The following SVEP1 variants were observed in gnomAD, a reference collection of about 807,000 sequenced individuals.
SVEP1 encodes the protein sushi, von Willebrand factor type A, EGF and pentraxin domain containing 1, also known as sushi, von Willebrand factor type A, EGF and pentraxin domain-containing protein 1.
In SVEP1, 164 loss-of-function variants were observed where a neutral mutation model predicts 367.3. The observed-to-expected ratio is 0.45, with a 90% CI of 0.39 to 0.51. The LOEUF is 0.51. Among genes scored for constraint, SVEP1 ranks in the 20% least tolerant of loss-of-function variants. SVEP1 has a pLI of 0.00. For missense variants in SVEP1, 4,117 were observed against 4,425.3 expected, an observed-to-expected ratio of 0.93 and a Z score of 1.98; for synonymous variants, 1,666 against 1,611.6, an observed-to-expected ratio of 1.03 and a Z score of -0.81.
intron 38 of SVEP1, among the ~76,000 whole-genome samples, chr9:110,404,953 G>C (rs1455070188): frequency 6.6e-6 from 1 of 152,166 alleles, no homozygotes; most frequent in Non-Finnish European, 1.5e-5. Context: ...TTGAACTAAG[G>C]AGGTTGAGGC....
chr9:110,366,636 G>A, intron 47 of SVEP1, 76 bp from the exon 48 acceptor site: 1 of 1,425,632 alleles, frequency 7.0e-7, no homozygotes, highest in Non-Finnish European at 9.4e-7. Flanking sequence ...CTCTTTAGGA[G>A]TTGATGAAAA....
intron 36 of SVEP1, 99 bp from the exon 37 acceptor site, chr9:110,411,834 T>A: frequency 9.0e-7 from 1 of 1,106,754 alleles, no homozygotes. Flanking sequence ...ACAATGACTT[T>A]AAATTTATCT....
At chr9:110,422,628 C>G (rs1053697701) in intron 36 of SVEP1, among the ~76,000 whole-genome samples, 4 of 100,886 alleles carry the variant, frequency 4.0e-5, no homozygotes, top group Admixed American at 3.9e-4. Context: ...GGGTATATAC[C>G]CAAAGGACTA....
At chr9:110,492,125 A>C (rs948274371) in intron 8 of SVEP1, among the ~76,000 whole-genome samples, 2 of 152,182 alleles carry the variant, frequency 1.3e-5, no homozygotes, top group Non-Finnish European at 2.9e-5. Context: ...ACCTGTATAT[A>C]CTTTTTCTGA....
At position 110,575,537 on chromosome 9, in the gene SVEP1, C is replaced by T. The variant is rs1830617402; in HGVS notation, c.531+3476G>A. The stretch of plus-strand genomic sequence containing the variant: ...CTGCAAAACTATACCCTGCCTGGCG[C>T]GACTGCTTCAACACACAGAGAGCAT... On this transcript the variant is annotated intron_variant, in intron 1 of 47. Transcript: ENST00000374469. Among the ~76,000 whole-genome samples, 3 of 152,124 alleles carry T rather than the reference C, an allele frequency of 2.0e-5. No individual in the cohort carries two copies. The South Asian group carries it at 6.2e-4, about 32-fold the overall frequency.
intron 40 of SVEP1, among the ~76,000 whole-genome samples, chr9:110,394,483 C>A (rs948666567): frequency 6.6e-6 from 1 of 152,128 alleles, no homozygotes; most frequent in African/African-American, 2.4e-5. Flanking sequence ...TCACCAGCAA[C>A]AGAACAAAGC....
rs985555974 is a variant in SVEP1 at position 110,407,145 on chromosome 9, T to C, written c.8455A>G (p.Lys2819Glu). Residue 2819 changes from lysine (K) to glutamate (E), a missense_variant, in exon 38 of 48, where the codon AAA becomes GAA. Transcript: ENST00000374469. Reference sequence around the variant, plus strand: ...ATGGGCTCATCCTCATCCCAGTTTTTGTCATCCTGGCATGTTCTCCTCTCA... The same window carrying C: ...ATGGGCTCATCCTCATCCCAGTTTTCGTCATCCTGGCATGTTCTCCTCTCA... ...GTERRTCQDD[K>E]NWDEDEPICI... 3.7e-6 allele frequency: 6 copies of C among 1,614,054 alleles called. No homozygotes were observed. The highest frequency in any genetic ancestry group is 2.2e-5 in the East Asian group (1 of 44,884).
chr9:110,472,321 G>T lies in SVEP1; in HGVS notation c.2602C>A (p.Pro868Thr). The T allele has an allele frequency of 6.3e-7, 1 of 1,578,042 alleles. No homozygotes were observed. Residue 868 changes from proline (P) to threonine (T), a missense_variant and splice_region_variant, in exon 15 of 48, where the codon CCA (proline) becomes ACA (threonine). This residue lies in a region of SVEP1 where 2,174 missense variants were observed against 2,494.3 expected (regional missense o/e 0.87). Transcript: ENST00000374469. ...CTATTAGCTGCACCCCAGCCACCTG[G>T]TCCTGGATAGTCGGGGCAGAGACAC... Reference protein sequence around the residue: ...YDYENGFAIGPGGWGAANRLD... With the variant: ...YDYENGFAIGTGGWGAANRLD...
intron 24 of SVEP1, among the ~76,000 whole-genome samples, 181 bp downstream of exon 24, chr9:110,449,878 G>A (rs1828664992): frequency 6.6e-6 from 1 of 152,090 alleles, no homozygotes; most frequent in South Asian, 2.1e-4. Flanking sequence ...AAAATGATAG[G>A]CTCTACTTCA....
rs755436983 is a variant in SVEP1 at position 110,379,345 on chromosome 9, A to T, written c.10408+2T>A. ...GAAATAACCATTCAAATATTTCCTT[A>T]CCTCTGCAAATAGGAGGTGATGTCC... On this transcript the variant is annotated splice_donor_variant, in intron 44 of 47. Transcript: ENST00000374469. LOFTEE classifies it high-confidence loss of function. The T allele has an allele frequency of 3.1e-6, 5 of 1,613,060 alleles. No individual in the cohort carries two copies. Among genetic ancestry groups the T allele is most frequent in the Non-Finnish European group, 4.2e-6 (5 of 1,179,506 alleles).
Position 110,404,426 on chromosome 9 carries a change from A to G in SVEP1, c.9567T>C (p.His3189=), listed in dbSNP as rs1826285693. 6.2e-7 allele frequency: 1 copy of G among 1,614,002 alleles called. No individual in the cohort carries two copies. Among genetic ancestry groups the G allele is most frequent in the African/African-American group, 1.3e-5 (1 of 75,046 alleles). ...TGAAATCGTCCCCATGTACAAGTATATGTGTTATGTTTTCCGGGAGAGGAC... is the reference window on the plus strand; with the variant it reads ...TGAAATCGTCCCCATGTACAAGTATGTGTGTTATGTTTTCCGGGAGAGGAC... ...KKCPLPENIT[H]ILVHGDDFSV... The change falls in exon 39 of 48, where the codon CAT becomes CAC. Residue 3189 remains histidine (H), a synonymous_variant. Coordinates refer to ENST00000374469, the MANE Select transcript of SVEP1 (RefSeq NM_153366.4).
Position 110,407,231 on chromosome 9 carries a change from T to A in SVEP1, c.8369A>T (p.Asn2790Ile). ...GTACAACGTGCTCAGGTATGTGTAG[T>A]TGCTTCCTTTGATGGATCCATTCAT... ...PVMNGSIKGS[N>I]YTYLSTLYYE... The change falls in exon 38 of 48, where the codon AAC becomes ATC. Residue 2790 changes from asparagine to isoleucine, a missense_variant. By Grantham distance (149) the Asn-to-Ile change is moderately radical. This residue lies in a region of SVEP1 where 1,765 missense variants were observed against 1,781.1 expected (regional missense o/e 0.99). Coordinates refer to ENST00000374469, the MANE Select transcript of SVEP1 (RefSeq NM_153366.4). The A allele has an allele frequency of 6.2e-7, 1 of 1,614,000 alleles. No homozygotes were observed. Among genetic ancestry groups the A allele is most frequent in the Non-Finnish European group, 8.5e-7 (1 of 1,179,896 alleles).
intron 1 of SVEP1, among the ~76,000 whole-genome samples, chr9:110,569,968 A>G (rs1830535177): frequency 6.6e-6 from 1 of 152,224 alleles, no homozygotes. Flanking sequence ...GGATAGGGGA[A>G]AATGCATCTA....
chr9:110,537,227 T>TA (rs1310060351), intron 3 of SVEP1, among the ~76,000 whole-genome samples: 2 of 151,936 alleles, frequency 1.3e-5, no homozygotes, highest in South Asian at 2.1e-4. Flanking sequence ...GAAGAAGGTT[T>TA]TCAGCACTAA....
At chr9:110,514,168 A>G in intron 3 of SVEP1, 62 bp from the exon 4 acceptor site, 1 of 1,559,226 alleles carries the variant, frequency 6.4e-7, no homozygotes, top group Non-Finnish European at 8.7e-7. Flanking sequence ...AGTTAACAAA[A>G]CATTTGAAAT....
At chr9:110,394,483 C>T (rs948666567) in intron 40 of SVEP1, among the ~76,000 whole-genome samples, 7 of 152,128 alleles carry the variant, frequency 4.6e-5, no homozygotes, top group South Asian at 2.1e-4. Context: ...TCACCAGCAA[C>T]AGAACAAAGC....
intron 40 of SVEP1, among the ~76,000 whole-genome samples, chr9:110,392,132 A>AC (rs1564128199): frequency 2.0e-5 from 2 of 98,208 alleles, no homozygotes; most frequent in African/African-American, 4.8e-5. Context: ...CCAATTCCTC[A>AC]TTATATATAT....
At position 110,457,435 on chromosome 9, in the gene SVEP1, C is replaced by T; in HGVS notation, c.3577-83G>A. On this transcript the variant is annotated intron_variant, in intron 20 of 47. Transcript: ENST00000374469. ...GTCCTGATTAGAGTCAGGTTTGCAA[C>T]ATTAGACAGCTCGTTCCTCCTGTTT... 10 of 1,059,024 alleles carry T rather than the reference C, an allele frequency of 9.4e-6. No homozygotes were observed. The South Asian group carries it at 1.1e-4, about 12-fold the overall frequency. 65.6% of individuals were successfully genotyped at this position (1,059,024 alleles called of 1,614,324 possible). A position where few individuals can be genotyped will look rare whatever the true frequency, so the allele number is the denominator to read the frequency against.
At chr9:110,466,416 C>T (rs2118655433) in intron 17 of SVEP1, among the ~76,000 whole-genome samples, 1 of 152,150 alleles carries the variant, frequency 6.6e-6, no homozygotes, top group South Asian at 2.1e-4. Context: ...GAAACAAAAC[C>T]CCAAACCTAG....
Sources: gnomAD v4.1 joint callset for allele counts (sites outside exome capture counted in the v4.1 genomes callset) on GRCh38, gnomAD v4.1.1 for gene constraint, gnomAD v4.1.1 regional missense constraint, MANE v1.5 for transcripts, NCBI Gene and HGNC (gene_info 2026-07-23, HGNC 2026-07-21) for gene names.